Variants in CTNND2 observed in about 807,000 individuals in gnomAD.
The protein encoded by CTNND2 is catenin delta-2.
A neutral mutation model predicts 144.4 loss-of-function variants in CTNND2; 22 were observed. That is an observed-to-expected ratio of 0.15 (90% CI 0.11 to 0.22). CTNND2 has a LOEUF of 0.22. Ranked by LOEUF, CTNND2 falls within the 10% of genes least tolerant of loss-of-function variation. The probability of loss-of-function intolerance (pLI) is 1.00; values close to 1 mark genes in which losing one functional copy is unlikely to be tolerated. For missense variants in CTNND2, 1,353 were observed against 1,618.8 expected, an observed-to-expected ratio of 0.84 and a Z score of 2.82; for synonymous variants, 751 against 695.6, an observed-to-expected ratio of 1.08 and a Z score of -1.25.
chr5:11,731,520 T>C (rs1787388963), intron 2 of CTNND2, among the ~76,000 whole-genome samples: 1 of 152,208 alleles, frequency 6.6e-6, no homozygotes, highest in Non-Finnish European at 1.5e-5. Flanking sequence ...CAGCTCTCTT[T>C]ATTTACTACT....
intron 15 of CTNND2, among the ~76,000 whole-genome samples, chr5:11,097,297 G>T (rs1384651794): frequency 6.6e-6 from 1 of 152,168 alleles, no homozygotes; most frequent in African/African-American, 2.4e-5. Flanking sequence ...GTAAGACTAT[G>T]CTTGGGATGT....
intron 16 of CTNND2, among the ~76,000 whole-genome samples, chr5:11,081,563 C>A (rs534602059): frequency 6.6e-6 from 1 of 152,324 alleles, no homozygotes; most frequent in South Asian, 2.1e-4. Context: ...TGTTGGCACT[C>A]AAAAAATTAC....
chr5:11,360,361 A>G (rs1357543841), intron 8 of CTNND2, among the ~76,000 whole-genome samples: 1 of 152,108 alleles, frequency 6.6e-6, no homozygotes, highest in Non-Finnish European at 1.5e-5. Flanking sequence ...CTCCCTGACT[A>G]TCTCTCAGCC....
intron 1 of CTNND2, among the ~76,000 whole-genome samples, chr5:11,866,911 C>G (rs1201064641): frequency 1.3e-5 from 2 of 152,240 alleles, no homozygotes; most frequent in African/African-American, 4.8e-5. Flanking sequence ...GCCTCCCTGA[C>G]ACCTTATCAC....
At position 11,732,233 on chromosome 5, in the gene CTNND2, T is replaced by C. The variant is rs761128434; in HGVS notation, c.77A>G (p.Glu26Gly). The C allele has an allele frequency of 6.2e-7, 1 of 1,613,838 alleles. No homozygotes were observed. Among genetic ancestry groups the C allele is most frequent in the African/African-American group, 1.3e-5 (1 of 74,914 alleles). ...PVPDQPSSAS[E>G]KTSSLSPGLN... ...GCCGGGGCTCAGGGAACTCGTCTTC[T>C]CTGAGGCTGATGAAGGCTGGTCTGG... The change falls in exon 2 of 22, where the codon GAG (glutamate) becomes GGG (glycine). Residue 26 changes from glutamate (E) to glycine (G), a missense_variant. Physicochemically the swap from Glu to Gly is moderately conservative, Grantham distance 98 (BLOSUM62 -2). Around this residue, in one of 4 missense-constraint regions of CTNND2, gnomAD observed 708 missense variants for 706.4 expected, o/e 1.00. Transcript: ENST00000304623.
Position 11,364,816 on chromosome 5 carries a change from G to A in CTNND2, c.1252C>T (p.His418Tyr). The A allele has an allele frequency of 6.2e-7, 1 of 1,613,996 alleles. No homozygotes were observed. Among genetic ancestry groups the A allele is most frequent in the East Asian group, 2.2e-5 (1 of 44,868 alleles). Residue 418 changes from histidine (H) to tyrosine (Y), a missense_variant, in exon 8 of 22, where the codon CAC becomes TAC. Physicochemically the swap from His to Tyr is moderately conservative, Grantham distance 83 (BLOSUM62 2). Around this residue, in one of 4 missense-constraint regions of CTNND2, gnomAD observed 708 missense variants for 706.4 expected, o/e 1.00. Coordinates refer to ENST00000304623, the MANE Select transcript of CTNND2 (RefSeq NM_001332.4). ...PELRALQSPE[H>Y]HIDPIYEDRV... ...TCTTCATAGATGGGATCTATGTGGT[G>A]TTCTGGGGACTGCAGGGCCCGCAAC...
chr5:11,544,829 CA>C (rs1250483691), intron 3 of CTNND2, among the ~76,000 whole-genome samples: 15 of 151,996 alleles, frequency 9.9e-5, no homozygotes, highest in Non-Finnish European at 2.2e-4. Context: ...ACTAAAAATA[CA>C]AAAATTAGCC....
intron 1 of CTNND2, among the ~76,000 whole-genome samples, chr5:11,772,205 C>A (rs1372994418): frequency 6.6e-6 from 1 of 151,872 alleles, no homozygotes; most frequent in African/African-American, 2.4e-5. Flanking sequence ...AACTTTTTTC[C>A]TTTATTATTT....
intron 1 of CTNND2, among the ~76,000 whole-genome samples, chr5:11,839,083 A>G (rs1339920575): frequency 6.6e-6 from 1 of 152,134 alleles, no homozygotes; most frequent in Non-Finnish European, 1.5e-5. Context: ...ATTTTGTAAA[A>G]ATTCAGAGGC....
intron 1 of CTNND2, among the ~76,000 whole-genome samples, chr5:11,815,828 A>C (rs987765688): frequency 6.6e-6 from 1 of 152,146 alleles, no homozygotes. Context: ...TGGGGGATTC[A>C]GACACCCCCA....
At chr5:11,465,356 G>C (rs1425870743) in intron 3 of CTNND2, among the ~76,000 whole-genome samples, 1 of 141,654 alleles carries the variant, frequency 7.1e-6, no homozygotes, top group African/African-American at 2.7e-5. Flanking sequence ...TTCAGAAGTT[G>C]AGCACAGTTA....
intron 10 of CTNND2, among the ~76,000 whole-genome samples, chr5:11,208,043 T>C (rs1738234533): frequency 6.6e-6 from 1 of 152,106 alleles, no homozygotes; most frequent in Non-Finnish European, 1.5e-5. Flanking sequence ...TATATAAAAA[T>C]TCATAATTTT....
At chr5:11,848,438 T>C (rs1794849989) in intron 1 of CTNND2, among the ~76,000 whole-genome samples, 1 of 152,178 alleles carries the variant, frequency 6.6e-6, no homozygotes, top group Admixed American at 6.5e-5. Context: ...TATAGTGCGT[T>C]TGATGTTGTA....
chr5:10,999,058 C>G (rs992214783), intron 18 of CTNND2, among the ~76,000 whole-genome samples: 5 of 152,204 alleles, frequency 3.3e-5, no homozygotes, highest in Non-Finnish European at 7.3e-5. Context: ...ATTACAAACA[C>G]CTTGAGCACA....
At chr5:11,682,801 C>T (rs1172276133) in intron 2 of CTNND2, among the ~76,000 whole-genome samples, 2 of 152,154 alleles carry the variant, frequency 1.3e-5, no homozygotes, top group African/African-American at 4.8e-5. Context: ...CAAGAGGCTT[C>T]TTAGATTGGC....
chr5:11,370,190 A>G (rs1343759748), intron 7 of CTNND2, among the ~76,000 whole-genome samples: 1 of 136,140 alleles, frequency 7.3e-6, no homozygotes, highest in Non-Finnish European at 1.5e-5. Context: ...TTTTTTTTTT[A>G]CATTTCAATT....
intron 8 of CTNND2, among the ~76,000 whole-genome samples, chr5:11,352,702 A>C (rs899164654): frequency 1.3e-5 from 2 of 152,208 alleles, no homozygotes; most frequent in Non-Finnish European, 2.9e-5. Context: ...TACAATTTTT[A>C]AAAATGCAAG....
chr5:11,892,604 G>A (rs1737060214), intron 1 of CTNND2, among the ~76,000 whole-genome samples: 1 of 152,050 alleles, frequency 6.6e-6, no homozygotes, highest in Non-Finnish European at 1.5e-5. Flanking sequence ...ATGGACAGTT[G>A]TGTAAGCATC....
At chr5:11,896,854 T>G (rs941632595) in intron 1 of CTNND2, among the ~76,000 whole-genome samples, 1 of 152,166 alleles carries the variant, frequency 6.6e-6, no homozygotes, top group Admixed American at 6.6e-5. Context: ...GAAACTATAA[T>G]TCATAATTGC....
Sources: gnomAD v4.1 joint callset for allele counts (sites outside exome capture counted in the v4.1 genomes callset) on GRCh38, gnomAD v4.1.1 for gene constraint, gnomAD v4.1.1 regional missense constraint, MANE v1.5 for transcripts, NCBI Gene and HGNC (gene_info 2026-07-23, HGNC 2026-07-21) for gene names.